The following SLC15A1 variants were observed in gnomAD, a reference collection of about 807,000 sequenced individuals.
SLC15A1 encodes Caco-2 oligopeptide transporter.
SLC15A1 carries 83 observed loss-of-function variants against 92.9 expected under a neutral mutation model. The ratio of observed to expected loss-of-function variants is 0.89; its 90% CI spans 0.75 to 1.07. The LOEUF is 1.07. Ranked by LOEUF, SLC15A1 falls within the 50% of genes least tolerant of loss-of-function variation. SLC15A1 has a pLI of 0.00. For synonymous variants in SLC15A1, 322 were observed against 318.2 expected (o/e 1.01, Z -0.13); for missense variants, 857 against 880.1 (o/e 0.97, Z 0.33).
intron 18 of SLC15A1, among the ~76,000 whole-genome samples, chr13:98,702,234 G>T (rs1311317732): frequency 1.3e-5 from 2 of 152,156 alleles, no homozygotes; most frequent in African/African-American, 2.4e-5. Context: ...GTCATGAATG[G>T]ATGCTGAATT....
chr13:98,738,700 G>A (rs1274865271), intron 1 of SLC15A1, among the ~76,000 whole-genome samples: 1 of 152,266 alleles, frequency 6.6e-6, no homozygotes, highest in Non-Finnish European at 1.5e-5. Context: ...AAGCCTGGAT[G>A]TCCAGGCAGA....
intron 18 of SLC15A1, among the ~76,000 whole-genome samples, chr13:98,700,484 CAAAAAA>C (rs56342746): frequency 2.2e-4 from 11 of 50,914 alleles, no homozygotes; most frequent in African/African-American, 7.4e-4. Context: ...GACCCTGTCT[CAAAAAA>C]AAAAAAAAAA....
In SLC15A1 at chr13:98,709,898, G is replaced by A; in HGVS notation, c.914C>T (p.Thr305Ile). The A allele has an allele frequency of 6.2e-7, 1 of 1,614,188 alleles. No homozygotes were observed. The highest frequency in any genetic ancestry group is 1.3e-5 in the African/African-American group (1 of 75,040). Residue 305 changes from threonine (T) to isoleucine (I), a missense_variant, in exon 12 of 23, where the codon ACA becomes ATA. Physicochemically the swap from Thr to Ile is moderately conservative, Grantham distance 89. Coordinates refer to ENST00000376503, the MANE Select transcript of SLC15A1 (RefSeq NM_005073.4). The stretch of plus-strand genomic sequence containing the variant: ...CCCGGACATAGTTGTTGCCTGCAGT[G>A]TCCACCTGGAGCCCTTAAAAATGAA... ...ALFDQQGSRW[T>I]LQATTMSGKI...
At chr13:98,729,416 G>C (rs565985688) in intron 1 of SLC15A1, among the ~76,000 whole-genome samples, 15 of 152,276 alleles carry the variant, frequency 9.9e-5, no homozygotes, top group African/African-American at 2.9e-4. Context: ...CCTGAGATTT[G>C]CATCTCTAAC....
chr13:98,731,108 G>A (rs2088347040), intron 1 of SLC15A1, among the ~76,000 whole-genome samples: 1 of 152,132 alleles, frequency 6.6e-6, no homozygotes. Context: ...CATCTTGCAG[G>A]CCAGGGGGCA....
rs2088208892 is a variant in SLC15A1, at chr13:98,715,958, C to T, written c.643G>A (p.Val215Met). The change falls in exon 9 of 23, where the codon GTG (valine) becomes ATG (methionine). Residue 215 changes from valine (V) to methionine (M), a missense_variant and splice_region_variant. Physicochemically the swap from Val to Met is conservative, Grantham distance 21 (BLOSUM62 1). Transcript: ENST00000376503. ...TACATCCCACTGCCAAGGACAAACA[C>T]AACTAGATAGGGCAGAAGAAGACAT... is the stretch of plus-strand genomic sequence containing the variant. ...PAALMAVALI[V>M]FVLGSGMYKK... The T allele has an allele frequency of 1.2e-6, 2 of 1,614,004 alleles. No individual in the cohort carries two copies. The highest frequency in any genetic ancestry group is 1.6e-4 in the Middle Eastern group (1 of 6,062).
chr13:98,750,754 CTT>C (rs375828538), intron 1 of SLC15A1, among the ~76,000 whole-genome samples: 2,687 of 141,680 alleles, frequency 0.019, 87 homozygotes, highest in African/African-American at 0.065. Flanking sequence ...AAGATCTGTT[CTT>C]TTTTTTTTTT....
chr13:98,710,256 G>T (rs1408492520), intron 11 of SLC15A1, among the ~76,000 whole-genome samples: 1 of 152,140 alleles, frequency 6.6e-6, no homozygotes, highest in African/African-American at 2.4e-5. Context: ...GTAGCTGTGC[G>T]TGTTGCAGAT....
chr13:98,741,341 G>A (rs1321639016), intron 1 of SLC15A1, among the ~76,000 whole-genome samples: 3 of 152,192 alleles, frequency 2.0e-5, no homozygotes, highest in Admixed American at 6.5e-5. Flanking sequence ...GAGCAGGCAC[G>A]GTGGCTCACA....
rs117515820 is a variant in SLC15A1 at position 98,742,436 on chromosome 13, G to T, written c.4+10159C>A. Among the ~76,000 whole-genome samples the T allele has an allele frequency of 1.3e-3, 203 of 152,246 alleles. 2 individuals are homozygous for T. In the East Asian group the frequency reaches 0.025, roughly 19 times the overall value. ...TTCCTTTAAGACAGTTCCTCCCTCAGCTTGGGTGTCCATGGCTCCAGCCTG... is the reference window on the plus strand; with the variant it reads ...TTCCTTTAAGACAGTTCCTCCCTCATCTTGGGTGTCCATGGCTCCAGCCTG... On this transcript the variant is annotated intron_variant, in intron 1 of 22. Coordinates refer to ENST00000376503, the MANE Select transcript of SLC15A1 (RefSeq NM_005073.4).
intron 18 of SLC15A1, among the ~76,000 whole-genome samples, chr13:98,690,601 G>A (rs952750410): frequency 1.3e-5 from 2 of 152,116 alleles, no homozygotes; most frequent in Non-Finnish European, 2.9e-5. Context: ...GGGCTGGTGC[G>A]ACAAGAAATG....
intron 15 of SLC15A1, among the ~76,000 whole-genome samples, chr13:98,707,928 G>A (rs1453622050): frequency 5.2e-5 from 7 of 135,570 alleles, no homozygotes; most frequent in Non-Finnish European, 9.0e-5. Flanking sequence ...AAAAGAATAC[G>A]GTAAATGTTA....
intron 1 of SLC15A1, among the ~76,000 whole-genome samples, chr13:98,741,922 C>T (rs972972389): frequency 5.3e-5 from 8 of 152,316 alleles, no homozygotes; most frequent in East Asian, 1.9e-4. Flanking sequence ...TAACCCCTAA[C>T]GGCAGGAAAC....
At chr13:98,715,293 C>A (rs1347128138) in intron 9 of SLC15A1, among the ~76,000 whole-genome samples, 1 of 152,068 alleles carries the variant, frequency 6.6e-6, no homozygotes, top group South Asian at 2.1e-4. Flanking sequence ...TCCTGCCTCA[C>A]CCTCCAGAGT....
At chr13:98,708,083 T>A (rs2088128832) in intron 15 of SLC15A1, among the ~76,000 whole-genome samples, 1 of 150,302 alleles carries the variant, frequency 6.7e-6, no homozygotes. Context: ...AACAAAGATA[T>A]TAAAAGGGTG....
chr13:98,751,841 G>A (rs993195653), intron 1 of SLC15A1, among the ~76,000 whole-genome samples: 3 of 152,192 alleles, frequency 2.0e-5, no homozygotes, highest in African/African-American at 7.2e-5. Context: ...GCTGGCCGGG[G>A]GCATCCATGG....
At position 98,684,377 on chromosome 13, in the gene SLC15A1, C is replaced by T. The variant is rs1371409392; in HGVS notation, c.*347G>A. The T allele has an allele frequency of 5.8e-6, 1 of 173,826 alleles. No homozygotes were observed. Among genetic ancestry groups the T allele is most frequent in the African/African-American group, 2.4e-5 (1 of 41,836 alleles). The allele number at this position is 173,826 out of a possible 1,614,324, so 10.8% of individuals were successfully genotyped here. ...CCTGGCCAACATGGTGAAACCCCAT[C>T]TCTACTAAAAATACAAAAATAGCTG... On this transcript the variant is annotated 3_prime_UTR_variant, in exon 23 of 23. Transcript: ENST00000376503.
At chr13:98,706,340 C>T in intron 15 of SLC15A1, 87 bp from the exon 16 acceptor site, 3 of 1,500,864 alleles carry the variant, frequency 2.0e-6, no homozygotes, top group Non-Finnish European at 2.7e-6. Context: ...TGCTTTCCTC[C>T]AGCTGGGAAA....
rs763471683 is a variant in SLC15A1 at position 98,709,750 on chromosome 13, G to C, written c.970C>G (p.Gln324Glu). 4 of 1,614,148 alleles carry C rather than the reference G, an allele frequency of 2.5e-6. No individual in the cohort carries two copies. The highest frequency in any genetic ancestry group is 3.3e-5 in the Admixed American group (2 of 60,018). Reference protein sequence around the residue: ...KIGALEIQPDQMQTVNAILIV... With the variant: ...KIGALEIQPDEMQTVNAILIV... ...ACTTACATGTCTTCTACCTGCATCT[G>C]ATCGGGCTGAATTTCAAGAGCTCCC... The change falls in exon 13 of 23, where the codon CAG becomes GAG. Residue 324 changes from glutamine (Q) to glutamate (E), a missense_variant. By Grantham distance (29) the Gln-to-Glu change is conservative. Coordinates refer to ENST00000376503, the MANE Select transcript of SLC15A1 (RefSeq NM_005073.4).
Sources: allele counts gnomAD v4.1 joint callset (sites outside exome capture counted in the v4.1 genomes callset), GRCh38; gene constraint gnomAD v4.1.1; transcripts MANE v1.5; gene names NCBI Gene and HGNC (gene_info 2026-07-23, HGNC 2026-07-21).